The following LRRC37A2 variants were observed in gnomAD, a reference collection of about 807,000 sequenced individuals.
The protein encoded by LRRC37A2 is leucine rich repeat containing 37 member A2.
In LRRC37A2, 9 loss-of-function variants were observed where a neutral mutation model predicts 68.8. The observed-to-expected ratio is 0.13, with a 90% CI of 0.08 to 0.23. LRRC37A2 has a LOEUF of 0.23. Among genes scored for constraint, LRRC37A2 ranks in the 10% least tolerant of loss-of-function variants. LRRC37A2 has a pLI of 1.00. For synonymous variants in LRRC37A2, 63 were observed against 367.6 expected (o/e 0.17, Z 9.48); for missense variants, 168 against 950.4 (o/e 0.18, Z 10.82).
chr17:46,903,368 C>G, the LRRC37A2 span, among the ~76,000 whole-genome samples: 1 of 151,848 alleles, frequency 6.6e-6, no homozygotes, highest in African/African-American at 2.4e-5. Context: ...TGTGTGGTAG[C>G]CCCTTGGCAC....
the LRRC37A2 span, chr17:46,711,143 A>G: frequency 3.0e-4 from 447 of 1,473,266 alleles, 3 homozygotes; most frequent in Non-Finnish European, 4.8e-5. Context: ...AGGAGATGGC[A>G]TTAAAAGTTA....
the LRRC37A2 span, among the ~76,000 whole-genome samples, chr17:46,813,233 G>A: frequency 6.6e-6 from 1 of 151,878 alleles, no homozygotes; most frequent in South Asian, 2.1e-4. Context: ...ATAGCCCTGG[G>A]ACTCTGAGAG....
the LRRC37A2 span, among the ~76,000 whole-genome samples, chr17:46,742,659 G>A: frequency 6.6e-6 from 1 of 152,188 alleles, no homozygotes; most frequent in Non-Finnish European, 1.5e-5. Context: ...TCCTTGACTT[G>A]GAGGGAAAGG....
At chr17:46,533,574 T>C (rs1287433314) in intron 6 of LRRC37A2, among the ~76,000 whole-genome samples, 1 of 125,564 alleles carries the variant, frequency 8.0e-6, no homozygotes, top group Non-Finnish European at 1.6e-5. Flanking sequence ...CAATCTTTAC[T>C]CGCCGCAACC....
chr17:46,969,872 C>T, the LRRC37A2 span, among the ~76,000 whole-genome samples: 1 of 152,186 alleles, frequency 6.6e-6, no homozygotes, highest in Non-Finnish European at 1.5e-5. Flanking sequence ...CCCCTTGCCC[C>T]CTCTCTGGTG....
At chr17:47,028,532 A>G in the LRRC37A2 span, among the ~76,000 whole-genome samples, 1,096 of 152,264 alleles carry the variant, frequency 7.2e-3, 12 homozygotes, top group Middle Eastern at 0.017. Flanking sequence ...AGAGACTTAC[A>G]TAGCTTATAT....
the LRRC37A2 span, among the ~76,000 whole-genome samples, chr17:46,720,029 T>C: frequency 6.6e-6 from 1 of 152,334 alleles, no homozygotes; most frequent in African/African-American, 2.4e-5. Context: ...CCACTGCAAA[T>C]TGTAGTCTGC....
chr17:46,456,175 G>A, the LRRC37A2 span, among the ~76,000 whole-genome samples: 2 of 109,076 alleles, frequency 1.8e-5, no homozygotes, highest in African/African-American at 6.5e-5. Flanking sequence ...ATGTGACTTC[G>A]TTCTTTGTTA....
At chr17:46,516,694 A>C (rs1316047260) in intron 2 of LRRC37A2, 2 of 164,912 alleles carry the variant, frequency 1.2e-5, no homozygotes, top group Non-Finnish European at 2.6e-5. Context: ...CAAGCAAGAG[A>C]GATTACATGA....
At chr17:46,759,470 C>T in the LRRC37A2 span, among the ~76,000 whole-genome samples, 3 of 152,226 alleles carry the variant, frequency 2.0e-5, no homozygotes, top group Non-Finnish European at 4.4e-5. Flanking sequence ...ATTTTCCCAG[C>T]GTAGACGCCA....
At chr17:46,753,259 G>T in the LRRC37A2 span, among the ~76,000 whole-genome samples, 1 of 152,160 alleles carries the variant, frequency 6.6e-6, no homozygotes, top group South Asian at 2.1e-4. Context: ...GGCAGTGAGC[G>T]GCAGAGGTGA....
chr17:46,890,487 G>C, the LRRC37A2 span, among the ~76,000 whole-genome samples: 4 of 152,122 alleles, frequency 2.6e-5, no homozygotes, highest in African/African-American at 9.7e-5. Flanking sequence ...GGCATCCCAG[G>C]ACCCTCGAGG....
At chr17:46,982,062 A>G in the LRRC37A2 span, among the ~76,000 whole-genome samples, 99 of 152,170 alleles carry the variant, frequency 6.5e-4, no homozygotes, top group African/African-American at 2.3e-3. Context: ...TTGGGAAACA[A>G]CCTGGCTCAA....
the LRRC37A2 span, among the ~76,000 whole-genome samples, chr17:47,025,788 G>A: frequency 8.0e-6 from 1 of 124,452 alleles, no homozygotes; most frequent in Non-Finnish European, 1.7e-5. Flanking sequence ...GAAGGCTTAA[G>A]GAAAGTGGGT....
the LRRC37A2 span, among the ~76,000 whole-genome samples, chr17:46,492,937 G>A: frequency 1.6e-4 from 24 of 148,890 alleles, no homozygotes; most frequent in Non-Finnish European, 2.9e-4. Flanking sequence ...CTCGTGATCC[G>A]CCCGCCTCGG....
chr17:46,980,672 A>G, the LRRC37A2 span, among the ~76,000 whole-genome samples: 1 of 138,374 alleles, frequency 7.2e-6, no homozygotes, highest in African/African-American at 2.5e-5. Context: ...AATACAAAAA[A>G]AAAAAAAAAA....
At chr17:46,901,824 T>TTTTTTTTTA in the LRRC37A2 span, among the ~76,000 whole-genome samples, 3 of 147,646 alleles carry the variant, frequency 2.0e-5, no homozygotes, top group Non-Finnish European at 3.0e-5. Flanking sequence ...TTTTTTTTTT[T>TTTTTTTTTA]GAGACAGAGT....
the LRRC37A2 span, among the ~76,000 whole-genome samples, chr17:46,787,417 G>A: frequency 6.6e-6 from 1 of 152,136 alleles, no homozygotes. Flanking sequence ...AAAGCTAAGC[G>A]GGACCTTTGA....
chr17:46,782,999 G>C, the LRRC37A2 span, among the ~76,000 whole-genome samples: 4 of 152,176 alleles, frequency 2.6e-5, no homozygotes, highest in Non-Finnish European at 4.4e-5. Flanking sequence ...GGTGCCTCAG[G>C]GGGTGCCTTT....
Sources: allele counts gnomAD v4.1 joint callset (sites outside exome capture counted in the v4.1 genomes callset), GRCh38; gene constraint gnomAD v4.1.1; transcripts MANE v1.5; gene names NCBI Gene and HGNC (gene_info 2026-07-23, HGNC 2026-07-21).